Variants in LIPC observed in about 807,000 individuals in gnomAD.
LIPC encodes hepatic triacylglycerol lipase.
Under a neutral mutation model 50.7 loss-of-function variants are expected in LIPC, and 44 were observed. The ratio of observed to expected loss-of-function variants is 0.87; its 90% CI spans 0.68 to 1.11. The LOEUF is 1.11. Ranked by LOEUF, LIPC falls within the 50% of genes most tolerant of loss-of-function variation. The pLI, the probability that LIPC is intolerant of heterozygous loss-of-function variation, is 0.00. For missense variants in LIPC, 697 were observed against 648.2 expected (o/e 1.08, Z -0.82); for synonymous variants, 271 against 256.4 (o/e 1.06, Z -0.54).
intron 1 of LIPC, among the ~76,000 whole-genome samples, chr15:58,470,982 AG>A (rs2140740538): frequency 6.6e-6 from 1 of 152,254 alleles, no homozygotes; most frequent in African/African-American, 2.4e-5. Flanking sequence ...GGGTAAGAAA[AG>A]CTTCCATAAA....
intron 1 of LIPC, 141 bp downstream of exon 1, chr15:58,432,261 G>A (rs569183372): frequency 1.1e-5 from 8 of 705,212 alleles, no homozygotes; most frequent in Admixed American, 8.8e-5. Context: ...CGACCTCACA[G>A]GTTCACAGGG....
chr15:58,454,283 G>A (rs1056927053), intron 1 of LIPC: 1 of 152,258 alleles, frequency 6.6e-6, no homozygotes, highest in African/African-American at 2.4e-5. Context: ...GATTTCCTTA[G>A]GGAAAACACC....
intron 1 of LIPC, among the ~76,000 whole-genome samples, chr15:58,481,557 C>A (rs1257625186): frequency 6.6e-6 from 1 of 152,216 alleles, no homozygotes; most frequent in Non-Finnish European, 1.5e-5. Flanking sequence ...GTACTCCCAG[C>A]ACTTTGAGAC....
chr15:58,486,504 A>T (rs1891381506), intron 1 of LIPC, among the ~76,000 whole-genome samples: 1 of 152,186 alleles, frequency 6.6e-6, no homozygotes, highest in Non-Finnish European at 1.5e-5. Context: ...ACCCTCTGAG[A>T]TGAAGCCCTG....
intron 1 of LIPC, among the ~76,000 whole-genome samples, chr15:58,458,500 A>G (rs1211425742): frequency 6.6e-6 from 1 of 152,200 alleles, no homozygotes; most frequent in African/African-American, 2.4e-5. Flanking sequence ...CCTCCAAGTC[A>G]AAACATTTAG....
intron 1 of LIPC, among the ~76,000 whole-genome samples, chr15:58,443,548 T>G (rs1289674151): frequency 6.6e-6 from 1 of 152,228 alleles, no homozygotes; most frequent in Non-Finnish European, 1.5e-5. Flanking sequence ...GCTGAAGCTT[T>G]TTCCTCCATC....
rs59699190 is a variant in LIPC, at chr15:58,541,543, T to C, written c.274-242T>C. Among the ~76,000 whole-genome samples, 32,427 of 151,692 alleles carry C rather than the reference T, an allele frequency of 0.21. 4,170 individuals carry two copies. Among genetic ancestry groups the C allele is most frequent in the East Asian group, 0.56 (2,862 of 5,142 alleles). Reference sequence around the variant, plus strand: ...GGAGACATTTTTGGTTTTCAAAACCTGGGGCAGTGGGTGGGTGTTGCTGGC... The same window carrying C: ...GGAGACATTTTTGGTTTTCAAAACCCGGGGCAGTGGGTGGGTGTTGCTGGC... On this transcript the variant is annotated intron_variant, in intron 2 of 8. Transcript: ENST00000299022.
intron 6 of LIPC, among the ~76,000 whole-genome samples, chr15:58,552,410 A>T (rs1442938305): frequency 3.9e-5 from 6 of 152,142 alleles, no homozygotes; most frequent in African/African-American, 1.4e-4. Flanking sequence ...CCCTCGACTG[A>T]GTGCCTCTCC....
rs533666628 is a variant in LIPC at position 58,566,338 on chromosome 15, G to A, written c.1389-2378G>A. 3.6e-5 allele frequency: 35 copies of A among 985,488 alleles called. No individual in the cohort carries two copies. In the South Asian group the frequency reaches 1.4e-3, roughly 40 times the overall value. 61.0% of individuals were successfully genotyped at this position (985,488 alleles called of 1,614,324 possible). A position where few individuals can be genotyped will look rare whatever the true frequency, so the allele number is the denominator to read the frequency against. On this transcript the variant is annotated intron_variant, in intron 8 of 8. Coordinates refer to ENST00000299022, the MANE Select transcript of LIPC (RefSeq NM_000236.3). ...GGCTGGCAGGATCGGATGGACTCCAGTGTCAGCCAGTCCTAAACTCACATT... is the reference window on the plus strand; with the variant it reads ...GGCTGGCAGGATCGGATGGACTCCAATGTCAGCCAGTCCTAAACTCACATT...
chr15:58,491,467 C>T (rs1295924248), intron 1 of LIPC, among the ~76,000 whole-genome samples: 1 of 152,218 alleles, frequency 6.6e-6, no homozygotes, highest in Non-Finnish European at 1.5e-5. Context: ...ATGTCACTGC[C>T]TGGCAGACTA....
intron 1 of LIPC, among the ~76,000 whole-genome samples, chr15:58,466,719 C>T (rs1461597169): frequency 6.6e-6 from 1 of 152,234 alleles, no homozygotes; most frequent in Non-Finnish European, 1.5e-5. Flanking sequence ...CTTCTATTTT[C>T]CTGCCCATTC....
chr15:58,568,223 C>T (rs1894451423), intron 8 of LIPC, among the ~76,000 whole-genome samples: 1 of 152,160 alleles, frequency 6.6e-6, no homozygotes, highest in Non-Finnish European at 1.5e-5. Context: ...GCAGGGCTTA[C>T]AGGGCTGAGC....
intron 1 of LIPC, among the ~76,000 whole-genome samples, chr15:58,499,156 C>T (rs528248750): frequency 6.6e-6 from 1 of 152,200 alleles, no homozygotes; most frequent in Non-Finnish European, 1.5e-5. Context: ...ACATGCACAT[C>T]GATCCTGATT....
intron 1 of LIPC, among the ~76,000 whole-genome samples, chr15:58,478,392 C>T (rs138302958): frequency 1.3e-5 from 2 of 152,242 alleles, no homozygotes; most frequent in African/African-American, 2.4e-5. Flanking sequence ...GCGCACACCA[C>T]CATACCTGGA....
At chr15:58,551,046 AG>A (rs1168131355) in intron 6 of LIPC, among the ~76,000 whole-genome samples, 5 of 151,718 alleles carry the variant, frequency 3.3e-5, no homozygotes, top group African/African-American at 9.7e-5. Context: ...CACGTTGGCC[AG>A]GCTGGTCTCG....
chr15:58,466,183 T>G (rs1418830577), intron 1 of LIPC, among the ~76,000 whole-genome samples: 5 of 152,238 alleles, frequency 3.3e-5, no homozygotes, highest in Non-Finnish European at 7.3e-5. Flanking sequence ...TCTCAATGAT[T>G]TGACTTTTAC....
chr15:58,448,560 G>A (rs1893784147), intron 1 of LIPC, among the ~76,000 whole-genome samples: 3 of 152,252 alleles, frequency 2.0e-5, no homozygotes, highest in Admixed American at 6.5e-5. Flanking sequence ...GCTGGCTCAG[G>A]CTCTCAGAGT....
rs1310639109 is a variant in LIPC, at chr15:58,455,155, T to C, written c.88+23035T>C. On this transcript the variant is annotated intron_variant, in intron 1 of 8. Transcript: ENST00000299022. ...TATACATGGACATTGGCAAACATTATAGATTAGGGTTTGATGTATTGTTTT... is the reference window on the plus strand; with the variant it reads ...TATACATGGACATTGGCAAACATTACAGATTAGGGTTTGATGTATTGTTTT... Among the ~76,000 whole-genome samples, 7 of 152,330 alleles carry C rather than the reference T, an allele frequency of 4.6e-5. No homozygotes were observed. The East Asian group carries it at 1.3e-3, about 29-fold the overall frequency.
At chr15:58,479,508 C>A (rs1454019860) in intron 1 of LIPC, among the ~76,000 whole-genome samples, 1 of 152,214 alleles carries the variant, frequency 6.6e-6, no homozygotes, top group African/African-American at 2.4e-5. Context: ...CCTGGTCCGC[C>A]TACAGAGGAC....
Sources: gnomAD v4.1 joint callset for allele counts (sites outside exome capture counted in the v4.1 genomes callset) on GRCh38, gnomAD v4.1.1 for gene constraint, MANE v1.5 for transcripts, NCBI Gene and HGNC (gene_info 2026-07-23, HGNC 2026-07-21) for gene names.